Variants in LEKR1 observed in about 807,000 individuals in gnomAD.
The protein encoded by LEKR1 is protein LEKR1.
A neutral mutation model predicts 72.4 loss-of-function variants in LEKR1; 59 were observed. That is an observed-to-expected ratio of 0.82 (90% CI 0.66 to 1.01). The LOEUF (loss-of-function observed/expected upper bound fraction) is 1.01, where lower values mean the gene tolerates loss of function less well. LEKR1 is among the 50% of genes least tolerant of loss of function. LEKR1 has a pLI of 0.00. For missense variants in LEKR1, 728 were observed against 759.2 expected, an observed-to-expected ratio of 0.96 and a Z score of 0.48; for synonymous variants, 257 against 263.2, an observed-to-expected ratio of 0.98 and a Z score of 0.23.
chr3:157,012,114 A>C (rs1241109065), intron 10 of LEKR1, among the ~76,000 whole-genome samples: 5 of 152,110 alleles, frequency 3.3e-5, no homozygotes, highest in African/African-American at 1.2e-4. Context: ...ATATTTTAAA[A>C]ATTGTTAGTC....
In LEKR1 at chr3:157,045,765, C is replaced by G. The variant is rs1431097435; in HGVS notation, c.*15C>G. 4 of 1,602,038 alleles carry G rather than the reference C, an allele frequency of 2.5e-6. No homozygotes were observed. Among genetic ancestry groups the G allele is most frequent in the South Asian group, 1.1e-5 (1 of 90,980 alleles). The stretch of plus-strand genomic sequence containing the variant: ...GTCAGCAATGATCCAAAATGAGGAG[C>G]AGGAAGCTCCCTACAGCGTGCACGC... On this transcript the variant is annotated 3_prime_UTR_variant, in exon 13 of 13. Transcript: ENST00000356539.
intron 6 of LEKR1, among the ~76,000 whole-genome samples, chr3:156,943,622 G>C (rs1016086733): frequency 4.6e-5 from 7 of 151,860 alleles, no homozygotes; most frequent in Non-Finnish European, 1.0e-4. Flanking sequence ...CCGTGGCCCA[G>C]TGGGAAGGGT....
intron 3 of LEKR1, among the ~76,000 whole-genome samples, chr3:156,895,541 G>A (rs1721087457): frequency 6.6e-6 from 1 of 152,042 alleles, no homozygotes; most frequent in Non-Finnish European, 1.5e-5. Flanking sequence ...AGCCCAGGAA[G>A]CAGAGGTTGC....
intron 12 of LEKR1, among the ~76,000 whole-genome samples, chr3:157,038,546 G>A (rs965549262): frequency 2.6e-5 from 4 of 152,170 alleles, no homozygotes; most frequent in African/African-American, 9.7e-5. Flanking sequence ...AGCAAGGGTT[G>A]AGAACAGGCA....
chr3:156,917,605 T>C (rs1030603087), intron 3 of LEKR1, among the ~76,000 whole-genome samples: 1 of 152,176 alleles, frequency 6.6e-6, no homozygotes, highest in African/African-American at 2.4e-5. Context: ...AATGGAATGG[T>C]GTCCTAATCT....
Position 156,828,964 on chromosome 3 carries a change from G to T in LEKR1, c.-44-322G>T, listed in dbSNP as rs144540937. 2.0e-4 allele frequency among the ~76,000 whole-genome samples: 31 copies of T among 152,198 alleles called. No individual in the cohort carries two copies. The South Asian group carries it at 5.4e-3, about 26-fold the overall frequency. ...TGATTTTTAAAATACACTGAAATGT[G>T]TATTTAAAATTTTAGTCATTATGTA... On this transcript the variant is annotated intron_variant, in intron 1 of 12. Transcript: ENST00000356539.
intron 9 of LEKR1, among the ~76,000 whole-genome samples, chr3:157,000,258 T>G (rs546039372): frequency 6.6e-6 from 1 of 152,238 alleles, no homozygotes; most frequent in South Asian, 2.1e-4. Context: ...AGAATAAAAA[T>G]AATTCACAAC....
chr3:157,008,887 T>TA (rs1304349488), intron 9 of LEKR1, among the ~76,000 whole-genome samples: 3 of 152,186 alleles, frequency 2.0e-5, no homozygotes, highest in African/African-American at 7.2e-5. Context: ...ATCTATATTG[T>TA]ATGCTAAGGT....
chr3:156,847,161 T>C (rs1032578816), intron 2 of LEKR1, among the ~76,000 whole-genome samples: 1 of 152,196 alleles, frequency 6.6e-6, no homozygotes, highest in Non-Finnish European at 1.5e-5. Flanking sequence ...AGGAAGGTAC[T>C]AAGTAGTTTT....
chr3:156,988,915 T>G (rs1380549948), intron 7 of LEKR1, among the ~76,000 whole-genome samples: 1 of 152,168 alleles, frequency 6.6e-6, no homozygotes, highest in Non-Finnish European at 1.5e-5. Context: ...CATTGCAACC[T>G]CCGCCTCCCG....
chr3:156,915,266 A>G (rs960731113), intron 3 of LEKR1, among the ~76,000 whole-genome samples: 16 of 152,234 alleles, frequency 1.1e-4, no homozygotes, highest in Non-Finnish European at 2.2e-4. Context: ...TTGCGTTTAT[A>G]CTCAGTAATG....
intron 10 of LEKR1, among the ~76,000 whole-genome samples, chr3:157,020,461 A>AT (rs1457683443): frequency 8.9e-6 from 1 of 112,502 alleles, no homozygotes; most frequent in East Asian, 2.7e-4. Context: ...CCAGAGTGTG[A>AT]TGTTCCCCTT....
chr3:157,030,188 G>A (rs191884564), intron 12 of LEKR1, among the ~76,000 whole-genome samples: 9 of 152,168 alleles, frequency 5.9e-5, no homozygotes, highest in Admixed American at 2.6e-4. Flanking sequence ...ACCAAATCTC[G>A]CATGAACTAA....
intron 9 of LEKR1, among the ~76,000 whole-genome samples, chr3:157,000,579 G>A (rs1434083477): frequency 5.9e-5 from 9 of 152,312 alleles, no homozygotes; most frequent in Admixed American, 5.9e-4. Flanking sequence ...CTGGTAGGTT[G>A]TAGGTACTCA....
At chr3:156,860,813 C>A (rs1472971015) in intron 3 of LEKR1, among the ~76,000 whole-genome samples, 2 of 152,082 alleles carry the variant, frequency 1.3e-5, no homozygotes, top group Non-Finnish European at 2.9e-5. Flanking sequence ...GTGATGTCAC[C>A]AGGAACTCAA....
At chr3:156,982,855 G>GTAGATAGATAGA (rs57476413) in intron 7 of LEKR1, among the ~76,000 whole-genome samples, 57 of 140,104 alleles carry the variant, frequency 4.1e-4, no homozygotes, top group East Asian at 8.1e-4. Flanking sequence ...GTGTGTGTGT[G>GTAGATAGATAGA]TAGATAGATA....
chr3:157,033,218 T>C (rs754111170), intron 12 of LEKR1, among the ~76,000 whole-genome samples: 14 of 152,108 alleles, frequency 9.2e-5, no homozygotes, highest in Non-Finnish European at 1.6e-4. Context: ...AAAGGAAGAA[T>C]TACACATCTC....
At chr3:156,876,758 C>T (rs1718641973) in intron 3 of LEKR1, among the ~76,000 whole-genome samples, 1 of 152,178 alleles carries the variant, frequency 6.6e-6, no homozygotes, top group Admixed American at 6.5e-5. Flanking sequence ...ACAATCATAT[C>T]ATCAGCATAC....
At chr3:156,972,632 T>C (rs1364651676) in intron 6 of LEKR1, among the ~76,000 whole-genome samples, 5 of 151,480 alleles carry the variant, frequency 3.3e-5, no homozygotes, top group African/African-American at 1.2e-4. Context: ...AGGACAAATT[T>C]ATATGTAATA....
Sources: allele counts gnomAD v4.1 joint callset (sites outside exome capture counted in the v4.1 genomes callset), GRCh38; gene constraint gnomAD v4.1.1; transcripts MANE v1.5; gene names NCBI Gene and HGNC (gene_info 2026-07-23, HGNC 2026-07-21).